The following PTPRN2 variants were observed in gnomAD, a reference collection of about 807,000 sequenced individuals.
PTPRN2 encodes the protein protein tyrosine phosphatase receptor type N2.
Under a neutral mutation model 118.8 loss-of-function variants are expected in PTPRN2, and 74 were observed. The ratio of observed to expected loss-of-function variants is 0.62; its 90% CI spans 0.52 to 0.76. The LOEUF is 0.76. Ranked by LOEUF, PTPRN2 falls within the 30% of genes least tolerant of loss-of-function variation. The pLI, the probability that PTPRN2 is intolerant of heterozygous loss-of-function variation, is 0.00. For synonymous variants in PTPRN2, 641 were observed against 608.0 expected (o/e 1.05, Z -0.80); for missense variants, 1,481 against 1,394.4 (o/e 1.06, Z -0.99).
At chr7:158,102,663 G>T (rs1477055613) in intron 10 of PTPRN2, among the ~76,000 whole-genome samples, 4 of 152,204 alleles carry the variant, frequency 2.6e-5, no homozygotes, top group African/African-American at 9.7e-5. Flanking sequence ...TGTGGGATGG[G>T]CCTGCAGCTT....
chr7:158,102,204 A>G (rs1215226925), intron 10 of PTPRN2, among the ~76,000 whole-genome samples: 2 of 152,168 alleles, frequency 1.3e-5, no homozygotes, highest in Non-Finnish European at 2.9e-5. Context: ...AACCTTCAGA[A>G]AACACTGAGC....
At chr7:157,625,085 T>C (rs1044644029) in intron 14 of PTPRN2, among the ~76,000 whole-genome samples, 2 of 152,202 alleles carry the variant, frequency 1.3e-5, no homozygotes, top group African/African-American at 4.8e-5. Context: ...AAACAGTAGA[T>C]GTTGGTGTGG....
intron 3 of PTPRN2, among the ~76,000 whole-genome samples, chr7:158,301,141 A>G (rs1800858293): frequency 6.6e-6 from 1 of 152,246 alleles, no homozygotes; most frequent in Non-Finnish European, 1.5e-5. Context: ...AGATTGTGAA[A>G]GGAAACATCT....
chr7:158,134,018 G>T lies in PTPRN2; in HGVS notation c.1215C>A (p.Asp405Glu). 4 of 1,613,976 alleles carry T rather than the reference G, an allele frequency of 2.5e-6. No individual in the cohort carries two copies. Among genetic ancestry groups the T allele is most frequent in the Non-Finnish European group, 3.4e-6 (4 of 1,180,030 alleles). Residue 405 changes from aspartate (D) to glutamate (E), a missense_variant, in exon 9 of 23, where the codon GAC becomes GAA. By Grantham distance (45) the Asp-to-Glu change is conservative. Transcript: ENST00000389418. The stretch of plus-strand genomic sequence containing the variant: ...CTCCAGGTAAGAGTCGAGACCCGTG[G>T]TCCTGCAGGAGGCCCCCGAGTGTGG... ...LSATLGGLLQ[D>E]HGSRLLPGAL...
intron 12 of PTPRN2, among the ~76,000 whole-genome samples, chr7:157,747,798 C>G (rs1445149280): frequency 4.9e-5 from 5 of 102,314 alleles, no homozygotes; most frequent in African/African-American, 1.2e-4. Context: ...GAGCTGTGGG[C>G]TGTTGAGGTG....
Position 158,251,701 on chromosome 7 carries a change from G to A in PTPRN2, c.278-46428C>T, listed in dbSNP as rs536837382. Among the ~76,000 whole-genome samples, 312 of 151,842 alleles carry A rather than the reference G, an allele frequency of 2.1e-3. 1 individual carries two copies. The highest frequency in any genetic ancestry group is 4.0e-3 in the Non-Finnish European group (272 of 67,906). On this transcript the variant is annotated intron_variant, in intron 3 of 22. Coordinates refer to ENST00000389418, the MANE Select transcript of PTPRN2 (RefSeq NM_002847.5). ...TGGTGCACGTGTGGTGTGTGCAGGT[G>A]TGCAATGGATGTCTATGGTGCACGT...
chr7:157,547,960 C>T (rs1208665621), intron 22 of PTPRN2, among the ~76,000 whole-genome samples: 1 of 152,226 alleles, frequency 6.6e-6, no homozygotes, highest in Non-Finnish European at 1.5e-5. Context: ...GCGCGTAGGG[C>T]ATCGCTGGGC....
In PTPRN2 at chr7:157,668,618, C is replaced by T. The variant is rs533963384; in HGVS notation, c.2002-12067G>A. Among the ~76,000 whole-genome samples the T allele has an allele frequency of 1.7e-4, 26 of 152,324 alleles. No homozygotes were observed. In the South Asian group the frequency reaches 3.3e-3, roughly 19 times the overall value. ...CCAAGAGAACGTGGTGAACGGGAAC[C>T]GGCTCTGTTTGGGGAGGGCCCTGGC... is the stretch of plus-strand genomic sequence containing the variant. On this transcript the variant is annotated intron_variant, in intron 13 of 22. Coordinates refer to ENST00000389418, the MANE Select transcript of PTPRN2 (RefSeq NM_002847.5).
In PTPRN2 at chr7:157,652,274, C is replaced by T. The variant is rs563471323; in HGVS notation, c.2196+4083G>A. On this transcript the variant is annotated intron_variant, in intron 14 of 22. Transcript: ENST00000389418. ...CAGCACAACCCCTTCCTCTCCAGCCCGACGCACCTTCGGCACAGGTGAGGT... is the reference window on the plus strand; with the variant it reads ...CAGCACAACCCCTTCCTCTCCAGCCTGACGCACCTTCGGCACAGGTGAGGT... Among the ~76,000 whole-genome samples, 12 of 152,310 alleles carry T rather than the reference C, an allele frequency of 7.9e-5. No individual in the cohort carries two copies. The South Asian group carries it at 1.0e-3, about 13-fold the overall frequency.
chr7:158,198,729 C>T (rs1826408113), intron 4 of PTPRN2, among the ~76,000 whole-genome samples: 2 of 137,658 alleles, frequency 1.5e-5, no homozygotes, highest in African/African-American at 5.5e-5. Context: ...CTCCTTAGCC[C>T]TTAGCATGTT....
intron 9 of PTPRN2, among the ~76,000 whole-genome samples, chr7:158,122,062 C>T (rs1055108831): frequency 8.5e-5 from 13 of 152,192 alleles, no homozygotes; most frequent in Admixed American, 2.6e-4. Context: ...CCAGCAGGTG[C>T]GACGTGCTGT....
chr7:158,262,333 C>T (rs1173092288), intron 3 of PTPRN2, among the ~76,000 whole-genome samples: 5 of 148,132 alleles, frequency 3.4e-5, no homozygotes, highest in Non-Finnish European at 6.0e-5. Context: ...TTCACACACA[C>T]TGCACACATA....
rs1804001110 is a variant in PTPRN2 at position 157,785,825 on chromosome 7, G to T, written c.1789-102888C>A. On this transcript the variant is annotated intron_variant, in intron 12 of 22. Transcript: ENST00000389418. This position sits in a 1 kb window ranked among gnomAD's most constrained non-coding sequence, Gnocchi z 7.3. ...GAGACGCGCAGGGGGCCCAGCTGAAGCCTGCGTTTTCCCTTCTGCACAACA... is the reference window on the plus strand; with the variant it reads ...GAGACGCGCAGGGGGCCCAGCTGAATCCTGCGTTTTCCCTTCTGCACAACA... Among the ~76,000 whole-genome samples the T allele has an allele frequency of 6.6e-6, 1 of 152,184 alleles. No individual in the cohort carries two copies. Among genetic ancestry groups the T allele is most frequent in the Non-Finnish European group, 1.5e-5 (1 of 68,026 alleles).
rs539209837 is a variant in PTPRN2, at chr7:157,976,464, C to G, written c.1724-77727G>C. Among the ~76,000 whole-genome samples, 95 of 148,794 alleles carry G rather than the reference C, an allele frequency of 6.4e-4. 2 individuals are homozygous for G. Among genetic ancestry groups the G allele is most frequent in the African/African-American group, 2.2e-3 (93 of 41,336 alleles). ...GGGTTAAAATCCAGATGCAAGCCCC[C>G]CCCACCAATTACCCCTTCATTCTAC... On this transcript the variant is annotated intron_variant, in intron 11 of 22. Coordinates refer to ENST00000389418, the MANE Select transcript of PTPRN2 (RefSeq NM_002847.5).
intron 14 of PTPRN2, among the ~76,000 whole-genome samples, chr7:157,654,752 G>C (rs919468579): frequency 1.3e-5 from 2 of 152,208 alleles, no homozygotes; most frequent in African/African-American, 4.8e-5. Flanking sequence ...GAGAAATACA[G>C]TATTTCCAGG....
chr7:158,129,471 GCAC>G (rs201450156), intron 9 of PTPRN2, among the ~76,000 whole-genome samples: 2,262 of 135,922 alleles, frequency 0.017, 54 homozygotes, highest in African/African-American at 0.061. Context: ...AACACACTGT[GCAC>G]CACAACACAC....
chr7:157,678,903 A>G (rs1343442750), intron 13 of PTPRN2, among the ~76,000 whole-genome samples: 1 of 152,104 alleles, frequency 6.6e-6, no homozygotes, highest in African/African-American at 2.4e-5. Flanking sequence ...ATTCAAAGAG[A>G]CTCCGAGAGA....
At chr7:157,896,538 C>T (rs375396194) in intron 12 of PTPRN2, among the ~76,000 whole-genome samples, 2 of 123,258 alleles carry the variant, frequency 1.6e-5, no homozygotes, top group Admixed American at 9.7e-5. Context: ...TGTGAGTGGG[C>T]AGCCGGGGAG....
At chr7:158,472,011 C>T (rs973022055) in intron 2 of PTPRN2, among the ~76,000 whole-genome samples, 5 of 152,040 alleles carry the variant, frequency 3.3e-5, no homozygotes, top group Non-Finnish European at 1.5e-5. Context: ...GTTCCGGCCT[C>T]GCCACGGTTC....
Sources: allele counts gnomAD v4.1 joint callset (sites outside exome capture counted in the v4.1 genomes callset), GRCh38; gene constraint gnomAD v4.1.1; non-coding constraint Gnocchi (gnomAD v3.1); transcripts MANE v1.5; gene names NCBI Gene and HGNC (gene_info 2026-07-23, HGNC 2026-07-21).